The following CDC14B variants were observed in gnomAD, a reference collection of about 807,000 sequenced individuals.
CDC14B encodes cell division cycle 14B.
In CDC14B, 22 loss-of-function variants were observed where a neutral mutation model predicts 64.2. The observed-to-expected ratio is 0.34, with a 90% CI of 0.24 to 0.49. CDC14B has a LOEUF of 0.49. Among genes scored for constraint, CDC14B ranks in the 20% least tolerant of loss-of-function variants. The pLI, the probability that CDC14B is intolerant of heterozygous loss-of-function variation, is 0.99. For missense variants in CDC14B, 498 were observed against 629.9 expected (o/e 0.79, Z 2.24); for synonymous variants, 191 against 215.8 (o/e 0.89, Z 1.01).
intron 1 of CDC14B, among the ~76,000 whole-genome samples, chr9:96,574,498 T>C (rs962113132): frequency 2.0e-5 from 3 of 151,922 alleles, no homozygotes; most frequent in African/African-American, 7.3e-5. Flanking sequence ...TTTATAAGAA[T>C]ATATAGGAAA....
At chr9:96,558,466 T>G (rs910874125) in intron 4 of CDC14B, among the ~76,000 whole-genome samples, 7 of 152,284 alleles carry the variant, frequency 4.6e-5, no homozygotes, top group African/African-American at 1.7e-4. Flanking sequence ...ACTGTAAACA[T>G]AAAACATATA....
chr9:96,512,326 CTT>C (rs776677638), intron 12 of CDC14B, among the ~76,000 whole-genome samples: 33 of 131,990 alleles, frequency 2.5e-4, no homozygotes, highest in Admixed American at 3.8e-4. Context: ...AATTTTTTTT[CTT>C]TTTTTTTTTT....
intron 12 of CDC14B, among the ~76,000 whole-genome samples, chr9:96,521,373 C>T (rs969727380): frequency 2.0e-5 from 3 of 152,200 alleles, no homozygotes; most frequent in African/African-American, 7.2e-5. Context: ...GCCACCACAC[C>T]TGGCCAAAAG....
intron 13 of CDC14B, among the ~76,000 whole-genome samples, chr9:96,494,052 C>G (rs906530525): frequency 6.6e-6 from 1 of 152,226 alleles, no homozygotes; most frequent in Non-Finnish European, 1.5e-5. Flanking sequence ...AGCCTGGTTA[C>G]TGAAGGAGCA....
chr9:96,517,979 G>A (rs1173287089), intron 12 of CDC14B, among the ~76,000 whole-genome samples: 1 of 151,892 alleles, frequency 6.6e-6, no homozygotes, highest in Non-Finnish European at 1.5e-5. Context: ...GCCTCAGCTT[G>A]GTGTTTCTTA....
At chr9:96,596,260 G>A (rs1477290693) in intron 1 of CDC14B, among the ~76,000 whole-genome samples, 1 of 151,642 alleles carries the variant, frequency 6.6e-6, no homozygotes, top group African/African-American at 2.4e-5. Context: ...TACTCAGGAG[G>A]CTGAGACAGG....
chr9:96,618,490 G>C (rs1564400024), intron 1 of CDC14B: 1 of 533,238 alleles, frequency 1.9e-6, no homozygotes, highest in African/African-American at 1.9e-5. Context: ...GGGCTGCTTG[G>C]CTACCTGCTC....
Position 96,562,450 on chromosome 9 carries a change from G to C in CDC14B, c.420+243C>G, listed in dbSNP as rs563940887. 7.0e-6 allele frequency: 3 copies of C among 425,718 alleles called. No individual in the cohort carries two copies. In the East Asian group the frequency reaches 1.1e-4, roughly 16 times the overall value. The allele number at this position is 425,718 out of a possible 1,614,324, so 26.4% of individuals were successfully genotyped here. On this transcript the variant is annotated intron_variant, in intron 4 of 13. Coordinates refer to ENST00000375241, the MANE Select transcript of CDC14B (RefSeq NM_033331.4). ...TTGGGCACTTTTTAAAAAAATATAG[G>C]CTTTTTTCCCGAGCAGTTTTAGGTT...
In CDC14B at chr9:96,502,111, G is replaced by C. The variant is rs1018787957; in HGVS notation, c.*1642C>G. ...TCTGCCCACAGCCAAGTGGGTCTTT[G>C]TGCCTATTCATTTCCAGGGACAGAA... On this transcript the variant is annotated 3_prime_UTR_variant, in exon 14 of 14. Coordinates refer to ENST00000375241, the MANE Select transcript of CDC14B (RefSeq NM_033331.4). 6.6e-6 allele frequency: 1 copy of C among 152,162 alleles called. No individual in the cohort carries two copies. The highest frequency in any genetic ancestry group is 1.5e-5 in the Non-Finnish European group (1 of 68,040). 9.4% of individuals were successfully genotyped at this position (152,162 alleles called of 1,614,324 possible).
chr9:96,582,510 T>C (rs535219753), intron 1 of CDC14B, among the ~76,000 whole-genome samples: 35 of 152,308 alleles, frequency 2.3e-4, no homozygotes, highest in African/African-American at 7.7e-4. Flanking sequence ...AAATACAGAA[T>C]GTAAGGTACG....
At chr9:96,527,882 TG>T (rs1372791250) in intron 9 of CDC14B, among the ~76,000 whole-genome samples, 1 of 152,140 alleles carries the variant, frequency 6.6e-6, no homozygotes, top group African/African-American at 2.4e-5. Flanking sequence ...CCCAAAGTGC[TG>T]GGATTACAGG....
intron 1 of CDC14B, among the ~76,000 whole-genome samples, chr9:96,577,119 C>T (rs904889670): frequency 1.3e-5 from 2 of 151,932 alleles, no homozygotes; most frequent in African/African-American, 2.4e-5. Context: ...GGCGTGGTGG[C>T]ATGTGCCTGT....
In CDC14B at chr9:96,585,930, A is replaced by G. The variant is rs1205542699; in HGVS notation, c.161-20447T>C. Reference sequence around the variant, plus strand: ...AACACCGCTCAGCAGTAACAAAGGAATGAAGTACTGATACACAAAAGGAGA... The same window carrying G: ...AACACCGCTCAGCAGTAACAAAGGAGTGAAGTACTGATACACAAAAGGAGA... On this transcript the variant is annotated intron_variant, in intron 1 of 13. Transcript: ENST00000375241. Among the ~76,000 whole-genome samples the G allele has an allele frequency of 2.0e-5, 3 of 152,236 alleles. 1 individual carries two copies. The highest frequency in any genetic ancestry group is 4.4e-5 in the Non-Finnish European group (3 of 68,042).
chr9:96,558,264 AACTT>A (rs1842743387), intron 4 of CDC14B, among the ~76,000 whole-genome samples: 1 of 152,232 alleles, frequency 6.6e-6, no homozygotes, highest in Non-Finnish European at 1.5e-5. Context: ...AGTTTACAAT[AACTT>A]ACTGTGTATT....
At chr9:96,499,120 G>A (rs1376800827), downstream of CDC14B, among the ~76,000 whole-genome samples, 1 of 152,254 alleles carries the variant, frequency 6.6e-6, no homozygotes, top group Non-Finnish European at 1.5e-5. Flanking sequence ...CTCAGGGGAA[G>A]CCATGGAGGG....
chr9:96,595,834 G>C (rs1283700350), intron 1 of CDC14B, among the ~76,000 whole-genome samples: 1 of 152,106 alleles, frequency 6.6e-6, no homozygotes, highest in Non-Finnish European at 1.5e-5. Context: ...CTGCCATTGG[G>C]TATGAGCATT....
intron 5 of CDC14B, 75 bp from the exon 6 acceptor site, chr9:96,541,967 G>C: frequency 1.0e-6 from 1 of 995,572 alleles, no homozygotes. Flanking sequence ...AAGGTGACTA[G>C]AATTTAAAAT....
At chr9:96,591,811 T>A (rs1845809059) in intron 1 of CDC14B, among the ~76,000 whole-genome samples, 1 of 151,934 alleles carries the variant, frequency 6.6e-6, no homozygotes, top group Non-Finnish European at 1.5e-5. Flanking sequence ...AGTGGCGCGA[T>A]CTAGGCTCAC....
rs549226128 is a variant in CDC14B, at chr9:96,580,645, G to T, written c.161-15162C>A. Among the ~76,000 whole-genome samples the T allele has an allele frequency of 2.0e-5, 3 of 152,282 alleles. No homozygotes were observed. In the East Asian group the frequency reaches 5.8e-4, roughly 29 times the overall value. On this transcript the variant is annotated intron_variant, in intron 1 of 13. Transcript: ENST00000375241. ...CGGTAACCCAGCCAATCCCTCTATT[G>T]AAATCGACCCGAGAGAAATACTGGC...
Sources: allele counts gnomAD v4.1 joint callset (sites outside exome capture counted in the v4.1 genomes callset), GRCh38; gene constraint gnomAD v4.1.1; transcripts MANE v1.5; gene names NCBI Gene and HGNC (gene_info 2026-07-23, HGNC 2026-07-21).